The following HAL variants were observed in gnomAD, a reference collection of about 807,000 sequenced individuals.
The protein encoded by HAL is histidase.
A neutral mutation model predicts 81.1 loss-of-function variants in HAL; 85 were observed. The ratio of observed to expected loss-of-function variants is 1.05; its 90% CI spans 0.88 to 1.25. The LOEUF is 1.25. Among genes scored for constraint, HAL ranks in the 50% most tolerant of loss-of-function variants. The pLI is 0.00. For missense variants in HAL, 798 were observed against 836.6 expected, an observed-to-expected ratio of 0.95 and a Z score of 0.57; for synonymous variants, 301 against 309.2, an observed-to-expected ratio of 0.97 and a Z score of 0.28.
chr12:95,985,880 T>C (rs1303214771), intron 14 of HAL, 28 bp downstream of exon 14: 1 of 1,525,260 alleles, frequency 6.6e-7, no homozygotes, highest in African/African-American at 1.4e-5. Flanking sequence ...GCATTTTTTA[T>C]TGACCTTTTT....
chr12:95,995,150 G>GT, intron 2 of HAL, 157 bp from the exon 3 acceptor site: 6 of 693,944 alleles, frequency 8.6e-6, no homozygotes, highest in Non-Finnish European at 2.6e-6. Flanking sequence ...GCATCTTTAT[G>GT]TAGGAGGAGA....
At chr12:95,995,110 A>T in intron 2 of HAL, 117 bp from the exon 3 acceptor site, 1 of 805,004 alleles carries the variant, frequency 1.2e-6, no homozygotes, top group Admixed American at 1.9e-5. Context: ...GCTGCTTTAA[A>T]ACTGCTTCAG....
intron 20 of HAL, among the ~76,000 whole-genome samples, chr12:95,975,216 A>C (rs879386718): frequency 1.3e-5 from 2 of 152,184 alleles, no homozygotes; most frequent in Non-Finnish European, 2.9e-5. Context: ...CTTGGCCTTC[A>C]CCCAGACCTA....
rs767313297 is a variant in HAL, at chr12:95,976,585, T to C, written c.1763+13A>G. 1.2e-5 allele frequency: 19 copies of C among 1,596,098 alleles called. No homozygotes were observed. In the South Asian group the frequency reaches 1.3e-4, roughly 11 times the overall value. On this transcript the variant is annotated intron_variant, in intron 19 of 20. Transcript: ENST00000261208. Reference sequence around the variant, plus strand: ...TGAACTGATGTAATTTTCAGAGACCTGTTTGATCTTACCTTACAACAGAGC... The same window carrying C: ...TGAACTGATGTAATTTTCAGAGACCCGTTTGATCTTACCTTACAACAGAGC...
rs746402806 is a variant in HAL, at chr12:95,994,143, G to T, written c.358C>A (p.Arg120Ser). Residue 120 changes from arginine to serine, a missense_variant, in exon 5 of 21, where the codon CGT becomes AGT. By Grantham distance (110) the Arg-to-Ser change is moderately radical. Coordinates refer to ENST00000261208, the MANE Select transcript of HAL (RefSeq NM_002108.4). ...PEKYIELDGD[R>S]LTTEDLVNLG... ...TTGACCAGATCCTCCGTGGTCAGAC[G>T]GTCTCCATCTAACTCGATGTACTAC... is the stretch of plus-strand genomic sequence containing the variant. The T allele has an allele frequency of 6.2e-6, 10 of 1,612,524 alleles. No homozygotes were observed. The South Asian group carries it at 1.1e-4, about 18-fold the overall frequency.
intron 20 of HAL, 88 bp from the exon 21 acceptor site, chr12:95,974,460 A>ATG (rs2080691878): frequency 3.1e-5 from 35 of 1,143,790 alleles, no homozygotes; most frequent in Non-Finnish European, 4.4e-5. Flanking sequence ...AAGTCAAAAC[A>ATG]TACTCTATAC....
chr12:95,993,930 TTTCTC>T lies in HAL; in HGVS notation c.475_479del (p.Glu159AsnfsTer22), dbSNP rs754086486. ...AACATAAAGATAAAAAGATACCTGT[TTTCTC>T]TTTTATGATGCTATCTATGACCTCC... On this transcript the variant is annotated frameshift_variant, in exon 6 of 21. Coordinates refer to ENST00000261208, the MANE Select transcript of HAL (RefSeq NM_002108.4). LOFTEE classifies it high-confidence loss of function. 7.6e-6 allele frequency: 12 copies of T among 1,580,810 alleles called. No individual in the cohort carries two copies. The highest frequency in any genetic ancestry group is 1.0e-5 in the Non-Finnish European group (12 of 1,149,954).
At chr12:95,987,494 C>T (rs1394522186) in intron 11 of HAL, among the ~76,000 whole-genome samples, 3 of 152,124 alleles carry the variant, frequency 2.0e-5, no homozygotes, top group Non-Finnish European at 4.4e-5. Flanking sequence ...GTGTAGACTG[C>T]ACATAAAATC....
Position 95,978,022 on chromosome 12 carries a change from C to G in HAL, c.1576G>C (p.Ala526Pro). The change falls in exon 18 of 21, where the codon GCA becomes CCA. Residue 526 changes from alanine to proline, a missense_variant. By Grantham distance (27) the Ala-to-Pro change is conservative (BLOSUM62 -1). Coordinates refer to ENST00000261208, the MANE Select transcript of HAL (RefSeq NM_002108.4). The stretch of plus-strand genomic sequence containing the variant: ...ATGGAGACGTGGTCCTCCGTGGCTG[C>G]GCTGGTGGAGAGGGAGTCAACAGAC... The part of the protein sequence containing the change: ...PSSVDSLSTS[A>P]ATEDHVSMGG... The G allele has an allele frequency of 1.2e-6, 2 of 1,613,414 alleles. No individual in the cohort carries two copies.
In HAL at chr12:95,995,758, C is replaced by T. The variant is rs374109933; in HGVS notation, c.153G>A (p.Ala51=). 45 of 1,613,574 alleles carry T rather than the reference C, an allele frequency of 2.8e-5. No homozygotes were observed. The highest frequency in any genetic ancestry group is 1.9e-4 in the South Asian group (17 of 91,096). The change falls in exon 2 of 21, where the codon GCG becomes GCA. Residue 51 remains alanine, a synonymous_variant. Transcript: ENST00000261208. ...DNGGFTSVDD[A]HFLVRRCKGL... ...CCTTGCACCGGCGCACAAGGAAGTG[C>T]GCGTCATCCACGGAGGTGAAGCCAC...
At position 95,990,397 on chromosome 12, in the gene HAL, T is replaced by TGG; in HGVS notation, c.850_851insCC (p.Lys284ThrfsTer5). Reference sequence around the variant, plus strand: ...AGAAGCTGCTACGAGTCTTACGTATTTAGCATCAGCCCAGCCACTCTTCGG... The same window carrying TGG: ...AGAAGCTGCTACGAGTCTTACGTATTGGTAGCATCAGCCCAGCCACTCTTCGG... On this transcript the variant is annotated frameshift_variant, in exon 10 of 21. Transcript: ENST00000261208. LOFTEE classifies it high-confidence loss of function. 1 of 1,613,210 alleles carries TGG rather than the reference T, an allele frequency of 6.2e-7. No individual in the cohort carries two copies. The highest frequency in any genetic ancestry group is 8.5e-7 in the Non-Finnish European group (1 of 1,179,140).
chr12:95,986,966 T>C, intron 12 of HAL, 101 bp downstream of exon 12: 1 of 1,016,164 alleles, frequency 9.8e-7, no homozygotes, highest in Non-Finnish European at 1.6e-6. Flanking sequence ...TCTCCTTCCC[T>C]ACTACCTGCC....
rs777029141 is a variant in HAL, at chr12:95,990,578, G to T, written c.716-46C>A. ...AATTAGTTCAAGAGTACTGCATTCT[G>T]ACTCTCCTTGCTTTGCCAGTGAGTG... On this transcript the variant is annotated intron_variant, in intron 9 of 20. Transcript: ENST00000261208. 5 of 1,555,868 alleles carry T rather than the reference G, an allele frequency of 3.2e-6. No homozygotes were observed. The Admixed American group carries it at 6.7e-5, about 21-fold the overall frequency.
intron 19 of HAL, 29 bp downstream of exon 19, chr12:95,976,569 G>A (rs923004759): frequency 2.5e-6 from 4 of 1,589,288 alleles, no homozygotes; most frequent in Non-Finnish European, 2.6e-6. Flanking sequence ...CTGAACTGAT[G>A]TAATTTTCAG....
rs776245377 is a variant in HAL at position 95,989,185 on chromosome 12, A to G, written c.856-945T>C. ...CGGAAGCTTCTTAGAGGGCTTTTCT[A>G]TTTTTCTTTTTATTTTTTAGACACC... On this transcript the variant is annotated intron_variant, in intron 10 of 20. Transcript: ENST00000261208. Among the ~76,000 whole-genome samples the G allele has an allele frequency of 8.0e-4, 121 of 152,160 alleles. 2 individuals carry two copies. Among genetic ancestry groups the G allele is most frequent in the Middle Eastern group, 6.8e-3 (2 of 294 alleles).
At chr12:95,981,243 G>T (rs2080792139) in intron 15 of HAL, among the ~76,000 whole-genome samples, 1 of 152,160 alleles carries the variant, frequency 6.6e-6, no homozygotes. Flanking sequence ...TCTTCAATGG[G>T]CACTGCAAAT....
intron 9 of HAL, among the ~76,000 whole-genome samples, chr12:95,991,652 G>C (rs1300038783): frequency 6.6e-6 from 1 of 152,166 alleles, no homozygotes; most frequent in Non-Finnish European, 1.5e-5. Context: ...ATGTCAGTCG[G>C]GTATGGCAGT....
intron 17 of HAL, among the ~76,000 whole-genome samples, chr12:95,980,340 TTA>T (rs1229741528): frequency 6.6e-6 from 1 of 152,260 alleles, no homozygotes; most frequent in African/African-American, 2.4e-5. Context: ...TATTGTATTA[TTA>T]TATTTCAGCA....
intron 4 of HAL, among the ~76,000 whole-genome samples, chr12:95,994,499 C>T (rs761806112): frequency 6.6e-5 from 10 of 152,140 alleles, no homozygotes; most frequent in South Asian, 2.1e-4. Context: ...AAGCAATTCT[C>T]GTGCCTCAGG....
Sources: allele counts gnomAD v4.1 joint callset (sites outside exome capture counted in the v4.1 genomes callset), GRCh38; gene constraint gnomAD v4.1.1; transcripts MANE v1.5; gene names NCBI Gene and HGNC (gene_info 2026-07-23, HGNC 2026-07-21).